Variants in FAM153A observed in about 807,000 individuals in gnomAD.
The protein encoded by FAM153A is family with sequence similarity 153 member A, also known as protein FAM153A.
FAM153A carries 12 observed loss-of-function variants against 48.1 expected under a neutral mutation model. The observed-to-expected ratio is 0.25, with a 90% CI of 0.16 to 0.40. FAM153A has a LOEUF of 0.40. Ranked by LOEUF, FAM153A falls within the 10% of genes least tolerant of loss-of-function variation. The probability of loss-of-function intolerance (pLI) is 1.00; values close to 1 mark genes in which losing one functional copy is unlikely to be tolerated. For synonymous variants in FAM153A, 36 were observed against 118.2 expected (o/e 0.30, Z 4.51); for missense variants, 111 against 345.8 (o/e 0.32, Z 5.38).
At chr5:177,757,564 T>C (rs1767861025), upstream of FAM153A, among the ~76,000 whole-genome samples, 1 of 151,270 alleles carries the variant, frequency 6.6e-6, no homozygotes, top group African/African-American at 2.5e-5. Flanking sequence ...TGAACATCGA[T>C]GCAAAAATCC....
chr5:177,695,718 T>C, the FAM153A span, among the ~76,000 whole-genome samples: 1 of 151,800 alleles, frequency 6.6e-6, no homozygotes, highest in East Asian at 1.9e-4. Flanking sequence ...CCCCCTTTCT[T>C]TTAGACAAAA....
chr5:177,738,636 G>C (rs886210357), intron 10 of FAM153A, among the ~76,000 whole-genome samples: 5 of 151,238 alleles, frequency 3.3e-5, no homozygotes, highest in Admixed American at 3.3e-4. Flanking sequence ...TAAAGCGCTT[G>C]GCAAATTCAT....
upstream of FAM153A, among the ~76,000 whole-genome samples, chr5:177,754,664 C>T (rs1372967233): frequency 6.6e-6 from 1 of 151,894 alleles, no homozygotes; most frequent in African/African-American, 2.4e-5. Flanking sequence ...CAGGCAGCAT[C>T]ATTTGCTGTT....
chr5:177,766,574 C>A lies in FAM153A; in HGVS notation c.-57+13875G>T, dbSNP rs1349282387. On this transcript the variant is annotated intron_variant, in intron 1 of 8. Transcript: ENST00000393518. ...CAGAAATACTAGCCTAAAGGGAAAACCAAACTGGGAAGTCAAATAATTTCT... is the reference window on the plus strand; with the variant it reads ...CAGAAATACTAGCCTAAAGGGAAAAACAAACTGGGAAGTCAAATAATTTCT... 1.3e-4 allele frequency among the ~76,000 whole-genome samples: 12 copies of A among 91,884 alleles called. 4 individuals are homozygous for A. Among genetic ancestry groups the A allele is most frequent in the Non-Finnish European group, 2.0e-4 (9 of 45,164 alleles). The allele number at this position is 91,884 out of a possible 152,430, so 60.3% of individuals were successfully genotyped here.
At chr5:177,699,387 T>G in the FAM153A span, among the ~76,000 whole-genome samples, 2 of 151,378 alleles carry the variant, frequency 1.3e-5, no homozygotes, top group African/African-American at 4.9e-5. Context: ...TGGAAAAAAA[T>G]AAAGGAAACC....
the FAM153A span, among the ~76,000 whole-genome samples, chr5:177,696,936 AT>A: frequency 6.6e-6 from 1 of 151,668 alleles, no homozygotes; most frequent in African/African-American, 2.4e-5. Context: ...GGTTATTTGT[AT>A]TTTCATATCA....
At chr5:177,705,337 AC>A (rs939052397), downstream of FAM153A, among the ~76,000 whole-genome samples, 8 of 51,874 alleles carry the variant, frequency 1.5e-4, no homozygotes, top group Admixed American at 4.4e-4. Flanking sequence ...CCCCACCCCC[AC>A]CCCCTCTTCC....
chr5:177,737,611 C>G (rs1051056024), intron 10 of FAM153A, among the ~76,000 whole-genome samples: 1 of 151,384 alleles, frequency 6.6e-6, no homozygotes, highest in Non-Finnish European at 1.5e-5. Flanking sequence ...ACCTCTGCCT[C>G]CCAGGTTCAA....
chr5:177,703,615 G>T, downstream of FAM153A, among the ~76,000 whole-genome samples: 1 of 134,906 alleles, frequency 7.4e-6, no homozygotes, highest in South Asian at 2.6e-4. Context: ...GCATGGTGGG[G>T]GGTGATTGGA....
chr5:177,737,349 G>C (rs562280634), intron 10 of FAM153A, among the ~76,000 whole-genome samples: 1 of 151,626 alleles, frequency 6.6e-6, no homozygotes, highest in African/African-American at 2.4e-5. Context: ...TTGAGATGAA[G>C]TAACCCATCT....
At chr5:177,701,755 C>G in the FAM153A span, among the ~76,000 whole-genome samples, 1 of 151,580 alleles carries the variant, frequency 6.6e-6, no homozygotes, top group African/African-American at 2.4e-5. Flanking sequence ...GTGGAGGGCT[C>G]AGAAAACGAC....
chr5:177,758,936 C>T (rs1317560932), intron 1 of FAM153A, among the ~76,000 whole-genome samples: 1 of 151,638 alleles, frequency 6.6e-6, no homozygotes, highest in African/African-American at 2.4e-5. Context: ...ATGTCTAAAA[C>T]ACCAAAAGCA....
downstream of FAM153A, among the ~76,000 whole-genome samples, chr5:177,709,464 C>T (rs1180919080): frequency 4.7e-5 from 7 of 148,768 alleles, no homozygotes; most frequent in South Asian, 8.5e-4. Flanking sequence ...CAGGTTCAAG[C>T]GATTCTCCTG....
chr5:177,705,370 T>TA (rs1297680065), downstream of FAM153A, among the ~76,000 whole-genome samples: 5 of 133,710 alleles, frequency 3.7e-5, no homozygotes, highest in African/African-American at 1.4e-4. Context: ...CCATGTGAGA[T>TA]ACCTCACTTC....
At chr5:177,695,989 G>A in the FAM153A span, among the ~76,000 whole-genome samples, 1,203 of 128,036 alleles carry the variant, frequency 9.4e-3, 20 homozygotes, top group African/African-American at 0.03. Flanking sequence ...CTTCCCAGAC[G>A]GGGTGGCGGC....
the FAM153A span, among the ~76,000 whole-genome samples, chr5:177,702,598 C>T: frequency 7.5e-4 from 114 of 151,930 alleles, 3 homozygotes; most frequent in African/African-American, 2.6e-3. Flanking sequence ...TTTCAGAGAC[C>T]TTCACCATGG....
chr5:177,709,554 G>A (rs1196325938), downstream of FAM153A, among the ~76,000 whole-genome samples: 6 of 149,098 alleles, frequency 4.0e-5, no homozygotes, highest in Non-Finnish European at 5.9e-5. Context: ...GAAGAGATGG[G>A]GTTTCACCAT....
intron 25 of FAM153A, among the ~76,000 whole-genome samples, chr5:177,715,154 T>C (rs973485401): frequency 1.3e-5 from 2 of 151,298 alleles, no homozygotes; most frequent in African/African-American, 4.9e-5. Flanking sequence ...TTATTGCCTT[T>C]TGTATTTTTA....
At chr5:177,729,747 A>AT (rs1763444466) in intron 16 of FAM153A, among the ~76,000 whole-genome samples, 192 bp from the exon 19 acceptor site, 2 of 142,904 alleles carry the variant, frequency 1.4e-5, no homozygotes, top group African/African-American at 5.3e-5. Context: ...AGGCCTCAGA[A>AT]GACAGAGCCT....
Sources: allele counts gnomAD v4.1 joint callset (sites outside exome capture counted in the v4.1 genomes callset), GRCh38; gene constraint gnomAD v4.1.1; transcripts MANE v1.5; gene names NCBI Gene and HGNC (gene_info 2026-07-23, HGNC 2026-07-21).